IDUA: variants seen among roughly 807,000 people sequenced by gnomAD.
The protein encoded by IDUA is iduronidase alpha-L-.
IDUA carries 65 observed loss-of-function variants against 68.9 expected under a neutral mutation model. That is an observed-to-expected ratio of 0.94 (90% CI 0.77 to 1.16). The LOEUF is 1.16. Ranked by LOEUF, IDUA falls within the 50% of genes most tolerant of loss-of-function variation. IDUA has a pLI of 0.00. For missense variants in IDUA, 1,046 were observed against 938.0 expected (o/e 1.12, Z -1.50); for synonymous variants, 529 against 433.6 (o/e 1.22, Z -2.73).
Position 1,002,926 on chromosome 4 carries a change from G to A in IDUA, c.1384G>A (p.Gly462Arg), listed in dbSNP as rs1047106374. ...RSVAVTLRLR[G>R]VPPGPGLVYV... ...CGTCGCGGTGACCCTGCGGCTGCGC[G>A]GGGTGCCCCCCGGCCCGGGTAAGCC... Residue 462 changes from glycine to arginine, a missense_variant, in exon 9 of 14, where the codon GGG becomes AGG. Physicochemically the swap from Gly to Arg is moderately radical, Grantham distance 125. Coordinates refer to ENST00000514224, the MANE Select transcript of IDUA (RefSeq NM_000203.5). 4.4e-6 allele frequency: 6 copies of A among 1,362,490 alleles called. No individual in the cohort carries two copies. The highest frequency in any genetic ancestry group is 1.8e-5 in the South Asian group (1 of 56,390). 84.4% of individuals were successfully genotyped at this position (1,362,490 alleles called of 1,614,324 possible).
At chr4:998,781 C>G (rs573260071) in intron 2 of IDUA, among the ~76,000 whole-genome samples, 3 of 140,412 alleles carry the variant, frequency 2.1e-5, no homozygotes, top group African/African-American at 5.2e-5. Flanking sequence ...TACGACCCCC[C>G]GACCCCCCAC....
intron 2 of IDUA, among the ~76,000 whole-genome samples, chr4:995,234 A>G (rs11248062): frequency 0.16 from 24,063 of 151,522 alleles, 2,204 homozygotes; most frequent in South Asian, 0.33. Context: ...TAGTAGAGAC[A>G]GGGTTTCACT....
chr4:989,033 C>A lies in IDUA; in HGVS notation c.299+1084C>A, dbSNP rs146466185. 2.5e-3 allele frequency: 3,928 copies of A among 1,582,006 alleles called. 8 individuals are homozygous for A. Among genetic ancestry groups the A allele is most frequent in the Non-Finnish European group, 2.8e-3 (3,244 of 1,164,836 alleles). Reference sequence around the variant, plus strand: ...AGGCTGATGCCCAGGGCCCCGTAGTCTCGGCGCAGGTCCTGCAGCGTGCTC... The same window carrying A: ...AGGCTGATGCCCAGGGCCCCGTAGTATCGGCGCAGGTCCTGCAGCGTGCTC... On this transcript the variant is annotated intron_variant, in intron 2 of 13. Transcript: ENST00000514224.
chr4:999,204 CAA>C (rs56098003), intron 2 of IDUA, among the ~76,000 whole-genome samples: 52 of 128,636 alleles, frequency 4.0e-4, no homozygotes, highest in Non-Finnish European at 3.6e-4. Context: ...GACTCTGTCT[CAA>C]AAAAAAAAAA....
At chr4:988,571 G>A in intron 2 of IDUA, 1 of 1,328,472 alleles carries the variant, frequency 7.5e-7, no homozygotes, top group East Asian at 3.0e-5. Context: ...TGAGCTGAGG[G>A]ACGGTGCATT....
rs963812531 is a variant in IDUA at position 1,002,717 on chromosome 4, C to CA, written c.1190-15_1190-14insA. ...CAACGACCCCACGCGGCGACGGCCC[C>CA]CCCCCGCCCCGCAGATGAGGAGCAG... On this transcript the variant is annotated splice_polypyrimidine_tract_variant and intron_variant, in intron 8 of 13. Transcript: ENST00000514224. The CA allele has an allele frequency of 2.1e-6, 3 of 1,427,834 alleles. No individual in the cohort carries two copies. Among genetic ancestry groups the CA allele is most frequent in the South Asian group, 1.3e-5 (1 of 76,304 alleles). 88.4% of individuals were successfully genotyped at this position (1,427,834 alleles called of 1,614,324 possible).
intron 2 of IDUA, among the ~76,000 whole-genome samples, chr4:992,386 C>T (rs755955977): frequency 6.6e-6 from 1 of 152,236 alleles, no homozygotes; most frequent in Admixed American, 6.5e-5. Context: ...GAAGAGGCCT[C>T]CTATGTCCCT....
chr4:989,257 A>G, intron 2 of IDUA: 1 of 1,612,598 alleles, frequency 6.2e-7, no homozygotes, highest in Non-Finnish European at 8.5e-7. Flanking sequence ...CAGCCCCGTG[A>G]GGCTGTAGAG....
intron 2 of IDUA, among the ~76,000 whole-genome samples, chr4:995,306 G>C (rs1170148889): frequency 2.6e-5 from 4 of 151,642 alleles, no homozygotes; most frequent in African/African-American, 4.8e-5. Context: ...GCCTCCCAAA[G>C]TGCTGGGATT....
Position 1,002,286 on chromosome 4 carries a change from G to A in IDUA, c.990G>A (p.Gln330=). 3 of 1,612,314 alleles carry A rather than the reference G, an allele frequency of 1.9e-6. No homozygotes were observed. The highest frequency in any genetic ancestry group is 2.5e-6 in the Non-Finnish European group (3 of 1,179,464). The change falls in exon 8 of 14, where the codon CAG becomes CAA. Residue 330 remains glutamine, a synonymous_variant. Transcript: ENST00000514224. ...ACCCGCAGGTCATCGCGCAGCATCA[G>A]AACCTGCTACTGGCCAACACCACCT... The part of the protein sequence containing the change: ...AMVVKVIAQH[Q]NLLLANTTSA...
intron 2 of IDUA, 108 bp downstream of exon 2, chr4:988,057 C>T (rs1172015871): frequency 9.5e-6 from 14 of 1,474,498 alleles, no homozygotes; most frequent in South Asian, 1.3e-5. Flanking sequence ...CACCTCCCGC[C>T]GAAGCACCCT....
In IDUA at chr4:1,001,852, C is replaced by A. The variant is rs750230093; in HGVS notation, c.763C>A (p.Arg255=). Reference sequence around the variant, plus strand: ...CTTCTTCACTGGGGAGGCGGGCGTGCGGCTGGACTACATCTCCCTCCACAG... The same window carrying A: ...CTTCTTCACTGGGGAGGCGGGCGTGAGGCTGGACTACATCTCCCTCCACAG... The part of the protein sequence containing the change: ...TNFFTGEAGV[R]LDYISLHRKG... The change falls in exon 6 of 14, where the codon CGG becomes AGG. Residue 255 remains arginine (R), a synonymous_variant. Coordinates refer to ENST00000514224, the MANE Select transcript of IDUA (RefSeq NM_000203.5). 1 of 1,595,918 alleles carries A rather than the reference C, an allele frequency of 6.3e-7. No homozygotes were observed.
At chr4:991,956 G>C (rs904899905) in intron 2 of IDUA, 1 of 806,672 alleles carries the variant, frequency 1.2e-6, no homozygotes, top group Admixed American at 2.0e-5. Context: ...ATGGGATTAC[G>C]ACACCAAGCC....
Position 1,003,569 on chromosome 4 carries a change from G to T in IDUA, c.1671G>T (p.Leu557=). 1 of 1,612,214 alleles carries T rather than the reference G, an allele frequency of 6.2e-7. No individual in the cohort carries two copies. The part of the protein sequence containing the change: ...PPGQVTRLRA[L]PLTQGQLVLV... ...CCCAGGTCACGCGGCTCCGCGCCCT[G>T]CCCCTGACCCAAGGGCAGCTGGTTC... The change falls in exon 12 of 14, where the codon CTG becomes CTT. Residue 557 remains leucine (L), a synonymous_variant. Transcript: ENST00000514224.
chr4:989,585 C>A (rs1208113230), intron 2 of IDUA: 1 of 1,598,660 alleles, frequency 6.3e-7, no homozygotes, highest in African/African-American at 1.3e-5. Flanking sequence ...CGCAGGGCCC[C>A]CCGCAGGCTG....
chr4:997,072 G>A (rs1032948627), intron 2 of IDUA, among the ~76,000 whole-genome samples: 1 of 152,128 alleles, frequency 6.6e-6, no homozygotes, highest in Non-Finnish European at 1.5e-5. Context: ...CCATTTACTG[G>A]GAAAGGAGAC....
In IDUA at chr4:990,221, G is replaced by A. The variant is rs1369885594; in HGVS notation, c.299+2272G>A. ...GTGAGGACCACCATGCCGGGCCCCT[G>A]GTGCCGCGGGATCCGCACGCCCAGC... On this transcript the variant is annotated intron_variant, in intron 2 of 13. Transcript: ENST00000514224. 1.3e-6 allele frequency: 2 copies of A among 1,567,828 alleles called. No individual in the cohort carries two copies. Among genetic ancestry groups the A allele is most frequent in the Admixed American group, 3.8e-5 (2 of 52,108 alleles).
intron 12 of IDUA, 95 bp from the exon 13 acceptor site, chr4:1,003,917 G>T: frequency 1.9e-6 from 2 of 1,049,808 alleles, no homozygotes; most frequent in East Asian, 2.4e-5. Flanking sequence ...GGGCTTGAGG[G>T]AATGAGGCTG....
chr4:991,320 C>T (rs1449926449), intron 2 of IDUA: 1 of 1,612,726 alleles, frequency 6.2e-7, no homozygotes, highest in Non-Finnish European at 8.5e-7. Context: ...TGAGGCAAAG[C>T]AGGCTGAAGA....
Sources: allele counts gnomAD v4.1 joint callset (sites outside exome capture counted in the v4.1 genomes callset), GRCh38; gene constraint gnomAD v4.1.1; transcripts MANE v1.5; gene names NCBI Gene and HGNC (gene_info 2026-07-23, HGNC 2026-07-21).